Variants in ERC2 observed in about 807,000 individuals in gnomAD.
ERC2 encodes ERC protein 2.
In ERC2, 42 loss-of-function variants were observed where a neutral mutation model predicts 114.8. The observed-to-expected ratio is 0.37, with a 90% confidence interval of 0.29 to 0.47. The LOEUF is 0.47. Among genes scored for constraint, ERC2 ranks in the 20% least tolerant of loss-of-function variants. The pLI, the probability that ERC2 is intolerant of heterozygous loss-of-function variation, is 0.99. For missense variants in ERC2, 939 were observed against 1,150.7 expected, an observed-to-expected ratio of 0.82 and a Z score of 2.66; for synonymous variants, 454 against 425.5, an observed-to-expected ratio of 1.07 and a Z score of -0.82.
chr3:55,610,060 C>CAAAAAAAAAAA (rs1172154104), intron 17 of ERC2, among the ~76,000 whole-genome samples: 32 of 50,406 alleles, frequency 6.3e-4, no homozygotes, highest in East Asian at 1.3e-3. Flanking sequence ...CAAACAAACA[C>CAAAAAAAAAAA]AAACAAAAAA....
chr3:55,798,737 C>A (rs886112195), intron 14 of ERC2, among the ~76,000 whole-genome samples: 2 of 152,066 alleles, frequency 1.3e-5, no homozygotes, highest in Non-Finnish European at 2.9e-5. Context: ...TAACTATCAG[C>A]CCCAAATTGG....
intron 2 of ERC2, among the ~76,000 whole-genome samples, chr3:56,342,678 A>G (rs1009145122): frequency 2.0e-5 from 3 of 152,214 alleles, no homozygotes; most frequent in Non-Finnish European, 4.4e-5. Context: ...TGATTCTGCC[A>G]GGTGTGTGTC....
intron 12 of ERC2, among the ~76,000 whole-genome samples, chr3:55,952,059 G>A (rs568012287): frequency 2.0e-5 from 3 of 150,040 alleles, no homozygotes; most frequent in East Asian, 3.9e-4. Flanking sequence ...CCAGCTACTC[G>A]GAAGTCTGAG....
At chr3:55,666,691 G>A (rs7634244) in intron 17 of ERC2, among the ~76,000 whole-genome samples, 2 of 151,582 alleles carry the variant, frequency 1.3e-5, no homozygotes, top group African/African-American at 2.4e-5. Flanking sequence ...GGCCAGGGAC[G>A]CTGCTAAGTA....
chr3:56,150,048 A>G (rs981213417), intron 4 of ERC2, among the ~76,000 whole-genome samples: 3 of 152,208 alleles, frequency 2.0e-5, no homozygotes, highest in African/African-American at 4.8e-5. Context: ...AGTTTGACAC[A>G]TCGAAAACTG....
At chr3:55,748,675 T>A (rs1454102911) in intron 14 of ERC2, among the ~76,000 whole-genome samples, 1 of 152,238 alleles carries the variant, frequency 6.6e-6, no homozygotes, top group Non-Finnish European at 1.5e-5. Flanking sequence ...GGCATTTCCC[T>A]CTGCATGTAT....
intron 12 of ERC2, chr3:55,955,091 A>G (rs1319363507): frequency 6.1e-6 from 3 of 495,522 alleles, no homozygotes; most frequent in Non-Finnish European, 8.1e-6. Context: ...TTATGTTAAA[A>G]TAGGAATGCC....
At chr3:56,268,122 T>C (rs1157063446) in intron 3 of ERC2, among the ~76,000 whole-genome samples, 14 of 152,226 alleles carry the variant, frequency 9.2e-5, no homozygotes, top group Admixed American at 9.2e-4. Context: ...TATATGACAC[T>C]AGTACCATAT....
At chr3:56,235,819 G>A (rs1178810510) in intron 3 of ERC2, among the ~76,000 whole-genome samples, 6 of 152,220 alleles carry the variant, frequency 3.9e-5, no homozygotes, top group Admixed American at 1.3e-4. Context: ...TGTGGCTAGC[G>A]GCTACCATAA....
chr3:56,181,806 C>T (rs1007643351), intron 3 of ERC2, among the ~76,000 whole-genome samples: 1 of 152,144 alleles, frequency 6.6e-6, no homozygotes, highest in Admixed American at 6.5e-5. Flanking sequence ...ATGGCAGCTG[C>T]CACATCATGA....
intron 3 of ERC2, among the ~76,000 whole-genome samples, chr3:56,215,725 T>C (rs990582001): frequency 3.9e-5 from 6 of 152,152 alleles, no homozygotes; most frequent in African/African-American, 7.2e-5. Context: ...TATTCCAAAA[T>C]TGACCACATA....
At position 55,672,825 on chromosome 3, in the gene ERC2, C is replaced by T. The variant is rs1017556198; in HGVS notation, c.*39+10969G>A. On this transcript the variant is annotated intron_variant, in intron 17 of 17. Coordinates refer to ENST00000288221, the MANE Select transcript of ERC2 (RefSeq NM_015576.3). ...CCAGTCCCTGCCATGGAAATGCAAC[C>T]CAGCTACATAAAGCTCCTGCAGGCT... 2.6e-5 allele frequency among the ~76,000 whole-genome samples: 4 copies of T among 152,280 alleles called. No individual in the cohort carries two copies. In the East Asian group the frequency reaches 7.7e-4, roughly 29 times the overall value.
At chr3:56,410,800 T>C (rs879558571) in intron 2 of ERC2, among the ~76,000 whole-genome samples, 4 of 152,120 alleles carry the variant, frequency 2.6e-5, no homozygotes, top group Admixed American at 6.5e-5. Context: ...ACTCCAAGTA[T>C]CTTGATTACA....
At chr3:55,834,635 C>T (rs2060786823) in intron 14 of ERC2, among the ~76,000 whole-genome samples, 1 of 150,708 alleles carries the variant, frequency 6.6e-6, no homozygotes, top group Admixed American at 6.6e-5. Flanking sequence ...ATTTATAGCA[C>T]TAAATGCCCA....
At chr3:56,402,882 TA>T (rs2060572384) in intron 2 of ERC2, among the ~76,000 whole-genome samples, 1 of 152,206 alleles carries the variant, frequency 6.6e-6, no homozygotes, top group Admixed American at 6.5e-5. Context: ...ACCTCAGCAC[TA>T]TTGACATTTT....
intron 17 of ERC2, among the ~76,000 whole-genome samples, chr3:55,561,892 A>C (rs976672174): frequency 2.8e-4 from 42 of 152,146 alleles, no homozygotes; most frequent in African/African-American, 9.7e-4. Context: ...GTCTGCCCTG[A>C]ATTTTCACTG....
chr3:55,829,837 C>T (rs1045840258), intron 14 of ERC2, among the ~76,000 whole-genome samples: 1 of 152,028 alleles, frequency 6.6e-6, no homozygotes, highest in Non-Finnish European at 1.5e-5. Context: ...AAATATCGAA[C>T]ATTTGTGTCA....
At chr3:55,829,734 G>T (rs1407750484) in intron 14 of ERC2, among the ~76,000 whole-genome samples, 4 of 152,048 alleles carry the variant, frequency 2.6e-5, no homozygotes, top group Non-Finnish European at 5.9e-5. Flanking sequence ...TGCCCAGGCT[G>T]GTCTCATCTC....
At chr3:55,776,327 A>G (rs898221558) in intron 14 of ERC2, among the ~76,000 whole-genome samples, 2 of 152,152 alleles carry the variant, frequency 1.3e-5, no homozygotes, top group Non-Finnish European at 2.9e-5. Flanking sequence ...GGAGATTGTC[A>G]TGGAGAGCAC....
Sources: allele counts gnomAD v4.1 joint callset (sites outside exome capture counted in the v4.1 genomes callset), GRCh38; gene constraint gnomAD v4.1.1; transcripts MANE v1.5; gene names NCBI Gene and HGNC (gene_info 2026-07-23, HGNC 2026-07-21).